Variants in IQGAP2 observed in about 807,000 individuals in gnomAD.
The protein encoded by IQGAP2 is IQ motif containing GTPase activating protein 2, also known as ras GTPase-activating-like protein IQGAP2.
A neutral mutation model predicts 201.3 loss-of-function variants in IQGAP2; 173 were observed. That is an observed-to-expected ratio of 0.86 (90% CI 0.76 to 0.98). The LOEUF is 0.98. IQGAP2 is among the 50% of genes least tolerant of loss of function. The pLI, the probability that IQGAP2 is intolerant of heterozygous loss-of-function variation, is 0.00. For missense variants in IQGAP2, 1,687 were observed against 1,864.8 expected (o/e 0.90, Z 1.76); for synonymous variants, 675 against 673.9 (o/e 1.00, Z -0.03).
intron 2 of IQGAP2, among the ~76,000 whole-genome samples, chr5:76,473,887 G>A (rs901163189): frequency 3.3e-5 from 5 of 152,142 alleles, no homozygotes; most frequent in South Asian, 2.1e-4. Flanking sequence ...CCTCCCCACC[G>A]GAAGCTGCCT....
chr5:76,622,471 A>G (rs1300620515), intron 13 of IQGAP2, among the ~76,000 whole-genome samples: 2 of 152,152 alleles, frequency 1.3e-5, no homozygotes, highest in African/African-American at 4.8e-5. Flanking sequence ...CACTCCTAAC[A>G]ATGTTGACTG....
At chr5:76,436,598 T>C (rs1274820851) in intron 1 of IQGAP2, among the ~76,000 whole-genome samples, 2 of 134,368 alleles carry the variant, frequency 1.5e-5, no homozygotes, top group African/African-American at 5.5e-5. Flanking sequence ...TGGCGCAATC[T>C]CGGCTCACTG....
intron 13 of IQGAP2, among the ~76,000 whole-genome samples, chr5:76,619,491 G>C: frequency 6.7e-6 from 1 of 149,148 alleles, no homozygotes; most frequent in Admixed American, 6.7e-5. Flanking sequence ...GGATTTTGCA[G>C]ATCTAACTTA....
chr5:76,510,828 G>C (rs1757917920), intron 2 of IQGAP2: 2 of 427,564 alleles, frequency 4.7e-6, no homozygotes, highest in Admixed American at 5.6e-5. Flanking sequence ...CTGGCCTCCA[G>C]CAGGCTGGGC....
At chr5:76,587,949 C>CAAAAAAAAAAAAAAAA (rs768707380) in intron 5 of IQGAP2, among the ~76,000 whole-genome samples, 1 of 90,448 alleles carries the variant, frequency 1.1e-5, no homozygotes. Context: ...CTGTCTCAAC[C>CAAAAAAAAAAAAAAAA]AAAAAAAAAA....
At chr5:76,477,904 G>GA (rs1755542255) in intron 2 of IQGAP2, among the ~76,000 whole-genome samples, 6 of 151,740 alleles carry the variant, frequency 4.0e-5, no homozygotes, top group Non-Finnish European at 7.4e-5. Context: ...GTTAAAAATA[G>GA]AAAAAAGCTT....
At chr5:76,706,299 T>TA (rs1193319681) in intron 35 of IQGAP2, among the ~76,000 whole-genome samples, 4 of 151,926 alleles carry the variant, frequency 2.6e-5, no homozygotes, top group South Asian at 4.1e-4. Context: ...CACTTCACTT[T>TA]AAAAAAACAC....
At chr5:76,508,812 C>T (rs957242996) in intron 2 of IQGAP2, among the ~76,000 whole-genome samples, 5 of 151,952 alleles carry the variant, frequency 3.3e-5, no homozygotes, top group Admixed American at 1.3e-4. Flanking sequence ...TAAAAGCTTC[C>T]AGCATGCTCA....
rs1748046934 is a variant in IQGAP2, at chr5:76,707,920, A to C, written c.*607A>C. On this transcript the variant is annotated 3_prime_UTR_variant, in exon 36 of 36. Coordinates refer to ENST00000274364, the MANE Select transcript of IQGAP2 (RefSeq NM_006633.5). ...CTAAATGAAAGTGCACTACTGCCTCATGTAAAGACTCTTGCACGCAGAGCC... is the reference window on the plus strand; with the variant it reads ...CTAAATGAAAGTGCACTACTGCCTCCTGTAAAGACTCTTGCACGCAGAGCC... 6.5e-6 allele frequency: 1 copy of C among 152,702 alleles called. No individual in the cohort carries two copies. Among genetic ancestry groups the C allele is most frequent in the Admixed American group, 6.5e-5 (1 of 15,282 alleles). The allele number at this position is 152,702 out of a possible 1,614,324, so 9.5% of individuals were successfully genotyped here. A position where few individuals can be genotyped will look rare whatever the true frequency, so the allele number is the denominator to read the frequency against.
At chr5:76,637,704 T>G (rs900764067) in intron 16 of IQGAP2, among the ~76,000 whole-genome samples, 3 of 152,252 alleles carry the variant, frequency 2.0e-5, no homozygotes, top group African/African-American at 7.2e-5. Context: ...AAATGTTTGC[T>G]TCTTCCGAGA....
chr5:76,623,450 T>C (rs1347116746), intron 13 of IQGAP2: 1 of 557,630 alleles, frequency 1.8e-6, no homozygotes, highest in East Asian at 2.9e-5. Context: ...AGGCCAAGCC[T>C]CTGAACGTGT....
intron 22 of IQGAP2, 151 bp downstream of exon 22, chr5:76,665,326 C>T: frequency 1.5e-6 from 1 of 662,064 alleles, no homozygotes; most frequent in Non-Finnish European, 2.6e-6. Flanking sequence ...TGGTGCTTTA[C>T]ATACATTATC....
At chr5:76,647,579 C>T (rs1044287725) in intron 17 of IQGAP2, among the ~76,000 whole-genome samples, 3 of 151,978 alleles carry the variant, frequency 2.0e-5, no homozygotes, top group African/African-American at 7.3e-5. Flanking sequence ...CTCTTGCTGC[C>T]ACCGTGTAAG....
intron 28 of IQGAP2, among the ~76,000 whole-genome samples, chr5:76,678,997 A>T (rs1745063518): frequency 6.6e-6 from 1 of 152,200 alleles, no homozygotes; most frequent in South Asian, 2.1e-4. Flanking sequence ...AACACCCTAG[A>T]TTACAAGGAA....
chr5:76,471,850 G>A lies in IQGAP2; in HGVS notation c.146+10181G>A, dbSNP rs1045776709. On this transcript the variant is annotated intron_variant, in intron 2 of 35. Coordinates refer to ENST00000274364, the MANE Select transcript of IQGAP2 (RefSeq NM_006633.5). Reference sequence around the variant, plus strand: ...CTAATAAGAACTTGGAATTTCCAGGGAAATATTTTTCTTTGTTGCTCTACA... The same window carrying A: ...CTAATAAGAACTTGGAATTTCCAGGAAAATATTTTTCTTTGTTGCTCTACA... 6.6e-5 allele frequency among the ~76,000 whole-genome samples: 10 copies of A among 152,118 alleles called. No homozygotes were observed. In the East Asian group the frequency reaches 1.7e-3, roughly 27 times the overall value.
chr5:76,457,966 A>G (rs1219233719), intron 1 of IQGAP2, among the ~76,000 whole-genome samples: 1 of 152,234 alleles, frequency 6.6e-6, no homozygotes, highest in East Asian at 1.9e-4. Context: ...GCAAGTAAAG[A>G]TGAACTGTGG....
intron 1 of IQGAP2, among the ~76,000 whole-genome samples, chr5:76,441,995 C>T (rs962000431): frequency 4.6e-5 from 7 of 152,012 alleles, no homozygotes; most frequent in African/African-American, 1.2e-4. Context: ...TACCCATTAG[C>T]GAGGGAATAG....
Position 76,631,993 on chromosome 5 carries a change from C to T in IQGAP2, c.1747C>T (p.Leu583Phe). The T allele has an allele frequency of 6.2e-7, 1 of 1,609,336 alleles. No individual in the cohort carries two copies. Among genetic ancestry groups the T allele is most frequent in the South Asian group, 1.1e-5 (1 of 89,818 alleles). ...PECADKYYDA[L>F]VKAKELKSER... ...GTGTGCTGACAAATACTATGATGCC[C>T]TTGTGAAGGCAAAAGAGCTCAAATC... is the stretch of plus-strand genomic sequence containing the variant. The change falls in exon 15 of 36, where the codon CTT (leucine) becomes TTT (phenylalanine). Residue 583 changes from leucine to phenylalanine, a missense_variant. Physicochemically the swap from Leu to Phe is conservative, Grantham distance 22. Coordinates refer to ENST00000274364, the MANE Select transcript of IQGAP2 (RefSeq NM_006633.5).
chr5:76,416,391 A>G (rs1751404689), intron 1 of IQGAP2, among the ~76,000 whole-genome samples: 1 of 152,232 alleles, frequency 6.6e-6, no homozygotes, highest in Non-Finnish European at 1.5e-5. Context: ...ATGCTGTAAA[A>G]TGGAGGTAGC....
Sources: gnomAD v4.1 joint callset for allele counts (sites outside exome capture counted in the v4.1 genomes callset) on GRCh38, gnomAD v4.1.1 for gene constraint, MANE v1.5 for transcripts, NCBI Gene and HGNC (gene_info 2026-07-23, HGNC 2026-07-21) for gene names.